The following TUBGCP6 variants were observed in gnomAD, a reference collection of about 807,000 sequenced individuals.
TUBGCP6 encodes tubulin gamma complex component 6.
TUBGCP6 carries 161 observed loss-of-function variants against 175.8 expected under a neutral mutation model. The ratio of observed to expected loss-of-function variants is 0.92; its 90% CI spans 0.81 to 1.04. The LOEUF is 1.04. Among genes scored for constraint, TUBGCP6 ranks in the 50% least tolerant of loss-of-function variants. TUBGCP6 has a pLI of 0.00. For missense variants in TUBGCP6, 2,572 were observed against 2,433.0 expected, an observed-to-expected ratio of 1.06 and a Z score of -1.20; for synonymous variants, 1,173 against 1,030.5, an observed-to-expected ratio of 1.14 and a Z score of -2.65.
chr22:50,222,682 C>T lies in TUBGCP6; in HGVS notation c.2271-90G>A. ...CTCAGGCCAGGATGGTTCTCCATAA[C>T]AGAGGCCCCAGTGGGCCCCCGCCCC... On this transcript the variant is annotated intron_variant, in intron 13 of 24. Transcript: ENST00000248846. 1.9e-6 allele frequency: 3 copies of T among 1,550,030 alleles called. No homozygotes were observed. In the South Asian group the frequency reaches 3.5e-5, roughly 18 times the overall value.
intron 3 of TUBGCP6, among the ~76,000 whole-genome samples, chr22:50,232,425 G>A (rs1190315578): frequency 1.3e-5 from 2 of 152,018 alleles, no homozygotes; most frequent in Non-Finnish European, 2.9e-5. Context: ...GAGTGTGGTG[G>A]CACGTGCCTG....
intron 1 of TUBGCP6, among the ~76,000 whole-genome samples, chr22:50,242,603 A>G (rs905904028): frequency 6.6e-6 from 1 of 152,274 alleles, no homozygotes; most frequent in Non-Finnish European, 1.5e-5. Context: ...GTAACAATGT[A>G]TCCTTTTGGC....
rs2064658795 is a variant in TUBGCP6, at chr22:50,229,310, C to G, written c.1290+94G>C. The G allele has an allele frequency of 2.9e-6, 4 of 1,377,072 alleles. No homozygotes were observed. In the Admixed American group the frequency reaches 8.3e-5, roughly 29 times the overall value. 85.3% of individuals were successfully genotyped at this position (1,377,072 alleles called of 1,614,324 possible). On this transcript the variant is annotated intron_variant, in intron 4 of 24. Coordinates refer to ENST00000248846, the MANE Select transcript of TUBGCP6 (RefSeq NM_020461.4). ...CAAGGAAAGAAAAGGTTTAGACTCT[C>G]TGGTCCTGCAGAAGGACCTCTGAGA...
rs1439531957 is a variant in TUBGCP6 at position 50,229,422 on chromosome 22, G to A, written c.1272C>T (p.Ser424=). 1.2e-6 allele frequency: 2 copies of A among 1,613,524 alleles called. No individual in the cohort carries two copies. The highest frequency in any genetic ancestry group is 1.7e-6 in the Non-Finnish European group (2 of 1,179,932). Residue 424 remains serine (S), a synonymous_variant, in exon 4 of 25, where the codon AGC becomes AGT. Coordinates refer to ENST00000248846, the MANE Select transcript of TUBGCP6 (RefSeq NM_020461.4). ...SLQPVLDSLY[S]KGLVFQAFTS... is the part of the protein sequence containing the mutation. ...GCCATACCTGGAACACGAGGCCCTTGCTGTACAAAGAGTCCAGGACGGGCT... is the reference window on the plus strand; with the variant it reads ...GCCATACCTGGAACACGAGGCCCTTACTGTACAAAGAGTCCAGGACGGGCT...
rs779997297 is a variant in TUBGCP6, at chr22:50,221,410, C to A, written c.2949G>T (p.Gln983His). The change falls in exon 16 of 25, where the codon CAG (glutamine) becomes CAT (histidine). Residue 983 changes from glutamine to histidine, a missense_variant. Transcript: ENST00000248846. Reference sequence around the variant, plus strand: ...TCTTCCCACAACTGTCCTCCCACAGCTGTAGCCCTGAGCTGCCCAAGCTGC... The same window carrying A: ...TCTTCCCACAACTGTCCTCCCACAGATGTAGCCCTGAGCTGCCCAAGCTGC... Reference protein sequence around the residue: ...AECSLGSSGLQLWEDSCGKMD... With the variant: ...AECSLGSSGLHLWEDSCGKMD... 6 of 1,604,264 alleles carry A rather than the reference C, an allele frequency of 3.7e-6. No individual in the cohort carries two copies. The highest frequency in any genetic ancestry group is 1.7e-5 in the Admixed American group (1 of 59,372).
chr22:50,218,420 G>A lies in TUBGCP6; in HGVS notation c.4955-18C>T. On this transcript the variant is annotated intron_variant, in intron 22 of 24. Coordinates refer to ENST00000248846, the MANE Select transcript of TUBGCP6 (RefSeq NM_020461.4). ...CAGCAGGGCTGGCGGAGGGCAGAAG[G>A]CAGAGGGCAGAGGTGAGCGCAGCCT... is the stretch of plus-strand genomic sequence containing the variant. The A allele has an allele frequency of 1.9e-6, 3 of 1,612,574 alleles. No homozygotes were observed. Among genetic ancestry groups the A allele is most frequent in the Non-Finnish European group, 1.7e-6 (2 of 1,179,766 alleles).
chr22:50,219,571 C>G, intron 18 of TUBGCP6, 73 bp downstream of exon 18: 1 of 1,594,162 alleles, frequency 6.3e-7, no homozygotes. Flanking sequence ...CCGCCCCAAC[C>G]CACAGGAGGT....
intron 1 of TUBGCP6, 81 bp downstream of exon 1, chr22:50,243,634 AGAAG>A (rs2064874310): frequency 1.8e-5 from 14 of 789,028 alleles, no homozygotes; most frequent in Admixed American, 1.5e-4. Flanking sequence ...AAAAAAAAAA[AGAAG>A]AAGAAGAAGA....
rs2147181894 is a variant in TUBGCP6 at position 50,222,388 on chromosome 22, G to A, written c.2409+66C>T. The A allele has an allele frequency of 3.8e-6, 6 of 1,599,658 alleles. No homozygotes were observed. The South Asian group carries it at 4.4e-5, about 12-fold the overall frequency. ...AGAAGAGCATGTAGGTTTGTGTGCA[G>A]TCTCAGGGGGTTTCCAGACCCCCAA... On this transcript the variant is annotated intron_variant, in intron 14 of 24. Transcript: ENST00000248846.
rs777228495 is a variant in TUBGCP6, at chr22:50,218,366, C to T, written c.4991G>A (p.Arg1664His). 24 of 1,612,936 alleles carry T rather than the reference C, an allele frequency of 1.5e-5. No individual in the cohort carries two copies. Among genetic ancestry groups the T allele is most frequent in the African/African-American group, 2.7e-5 (2 of 74,940 alleles). Residue 1664 changes from arginine (R) to histidine (H), a missense_variant, in exon 23 of 25, where the codon CGT (arginine) becomes CAT (histidine). Arg to His is a conservative substitution (Grantham distance 29). Coordinates refer to ENST00000248846, the MANE Select transcript of TUBGCP6 (RefSeq NM_020461.4). ...LSHMAGSVQF[R>H]QLQLFKHEMQ... ...CTCGTGCTTGAACAGCTGCAGCTGA[C>T]GGAACTGCACAGAGCCGGCCATGTG...
rs777886997 is a variant in TUBGCP6 at position 50,226,291 on chromosome 22, G to A, written c.1689C>T (p.Phe563=). Reference sequence around the variant, plus strand: ...CCGCAATCAGCTGCCACCTACCTCGGAAGCTGAGGTACTCGTGGTTCACCT... The same window carrying A: ...CCGCAATCAGCTGCCACCTACCTCGAAAGCTGAGGTACTCGTGGTTCACCT... ...MIQVNHEYLS[F]RDKLYWTHGY... The change falls in exon 8 of 25, where the codon TTC becomes TTT. Residue 563 remains phenylalanine, a synonymous_variant. Coordinates refer to ENST00000248846, the MANE Select transcript of TUBGCP6 (RefSeq NM_020461.4). 21 of 1,613,986 alleles carry A rather than the reference G, an allele frequency of 1.3e-5. No individual in the cohort carries two copies. The South Asian group carries it at 2.0e-4, about 15-fold the overall frequency.
rs1450554636 is a variant in TUBGCP6, at chr22:50,221,138, T to C, written c.3221A>G (p.Gln1074Arg). The C allele has an allele frequency of 3.2e-6, 5 of 1,568,120 alleles. No homozygotes were observed. The highest frequency in any genetic ancestry group is 4.7e-5 in the East Asian group (2 of 42,780). ...GTGTCCGTGGGTGTTCCACCGTGGC[T>C]GGGTGGGAGCCACATCTGACACATT... ...GENVSDVAPT[Q>R]PRWNTHGHVS... The change falls in exon 16 of 25, where the codon CAG becomes CGG. Residue 1074 changes from glutamine to arginine, a missense_variant. Physicochemically the swap from Gln to Arg is conservative, Grantham distance 43 (BLOSUM62 1). Transcript: ENST00000248846.
In TUBGCP6 at chr22:50,218,233, C is replaced by T; in HGVS notation, c.5124G>A (p.Glu1708=). The T allele has an allele frequency of 6.2e-7, 1 of 1,612,910 alleles. No homozygotes were observed. The highest frequency in any genetic ancestry group is 1.1e-5 in the South Asian group (1 of 91,080). ...GGTACTCTGCGTGCGCACGCTGGAT[C>T]TCCTCCAGGTCGCCCACGGTGGCCA... is the stretch of plus-strand genomic sequence containing the variant. ...ARLATVGDLE[E]IQRAHAEYLH... The change falls in exon 23 of 25, where the codon GAG becomes GAA. Residue 1708 remains glutamate, a synonymous_variant. Coordinates refer to ENST00000248846, the MANE Select transcript of TUBGCP6 (RefSeq NM_020461.4).
In TUBGCP6 at chr22:50,240,220, A is replaced by T; in HGVS notation, c.889T>A (p.Trp297Arg). 6.2e-7 allele frequency: 1 copy of T among 1,613,914 alleles called. No individual in the cohort carries two copies. The highest frequency in any genetic ancestry group is 1.3e-5 in the African/African-American group (1 of 75,044). ...GGCACACACCAGCCAACTCGCTCCC[A>T]GCACCTCCGCTTGCTGGCCTCATAG... ...LTYEASKRRCWERVGCPPGHR... is the reference protein window; with the variant it reads ...LTYEASKRRCRERVGCPPGHR... Residue 297 changes from tryptophan (W) to arginine (R), a missense_variant, in exon 2 of 25, where the codon TGG becomes AGG. By Grantham distance (101) the Trp-to-Arg change is moderately radical. Coordinates refer to ENST00000248846, the MANE Select transcript of TUBGCP6 (RefSeq NM_020461.4).
intron 13 of TUBGCP6, 34 bp from the exon 14 acceptor site, chr22:50,222,626 A>G: frequency 6.2e-7 from 1 of 1,602,162 alleles, no homozygotes; most frequent in Non-Finnish European, 8.5e-7. Context: ...CACGGCCACA[A>G]GAGTCACCCC....
Position 50,233,377 on chromosome 22 carries a change from A to T in TUBGCP6, c.1055T>A (p.Leu352Gln). The T allele has an allele frequency of 6.2e-7, 1 of 1,614,050 alleles. No homozygotes were observed. ...CAAGACGTTCAGCACGTCTTTCACC[A>T]GCTCGCACTCCTTCACCAGCACGGG... ...PQPVLVKECE[L>Q]VKDVLNVLIG... is the part of the protein sequence containing the mutation. The change falls in exon 3 of 25, where the codon CTG (leucine) becomes CAG (glutamine). Residue 352 changes from leucine (L) to glutamine (Q), a missense_variant. By Grantham distance (113) the Leu-to-Gln change is moderately radical. Transcript: ENST00000248846.
chr22:50,243,718 C>T lies in TUBGCP6; in HGVS notation c.741+1G>A, dbSNP rs1460482736. 4.4e-6 allele frequency: 7 copies of T among 1,606,084 alleles called. No homozygotes were observed. Among genetic ancestry groups the T allele is most frequent in the Non-Finnish European group, 6.0e-6 (7 of 1,174,688 alleles). The stretch of plus-strand genomic sequence containing the variant: ...GAAAGAGGAAAAACTAAACATTCTA[C>T]CTTAATAGCCAGCCCAGAGAGGTCC... On this transcript the variant is annotated splice_donor_variant, in intron 1 of 24. Coordinates refer to ENST00000248846, the MANE Select transcript of TUBGCP6 (RefSeq NM_020461.4). LOFTEE classifies it high-confidence loss of function.
Position 50,221,611 on chromosome 22 carries a change from AG to A in TUBGCP6, c.2747del (p.Pro916LeufsTer42), listed in dbSNP as rs1555907654. 1.9e-6 allele frequency: 3 copies of A among 1,559,344 alleles called. No individual in the cohort carries two copies. Among genetic ancestry groups the A allele is most frequent in the Non-Finnish European group, 2.6e-6 (3 of 1,150,962 alleles). On this transcript the variant is annotated frameshift_variant, in exon 16 of 25. Transcript: ENST00000248846. LOFTEE classifies it high-confidence loss of function. ...AEPSVQTGMV[P>X]LLEVALQTIN... is the part of the protein sequence containing the mutation. ...TGGTCTGCAGCGCCACCTCCAGGAG[AG>A]GGACCATGCCAGTCTGCACGGACGG...
In TUBGCP6 at chr22:50,218,119, T is replaced by TG. The variant is rs774240720; in HGVS notation, c.5169-3dup. 21 of 1,612,024 alleles carry TG rather than the reference T, an allele frequency of 1.3e-5. No individual in the cohort carries two copies. The highest frequency in any genetic ancestry group is 1.1e-4 in the East Asian group (5 of 44,838). Reference sequence around the variant, plus strand: ...GCCGCCTTCTCCGTGAGCAGGCCCCTGGGGGGAAGCAGTGCTGCTGGGTGG... The same window carrying TG: ...GCCGCCTTCTCCGTGAGCAGGCCCCTGGGGGGGAAGCAGTGCTGCTGGGTGG... On this transcript the variant is annotated splice_region_variant and splice_polypyrimidine_tract_variant and intron_variant, in intron 23 of 24. Coordinates refer to ENST00000248846, the MANE Select transcript of TUBGCP6 (RefSeq NM_020461.4).
Sources: gnomAD v4.1 joint callset for allele counts (sites outside exome capture counted in the v4.1 genomes callset) on GRCh38, gnomAD v4.1.1 for gene constraint, MANE v1.5 for transcripts, NCBI Gene and HGNC (gene_info 2026-07-23, HGNC 2026-07-21) for gene names.